Variants in TRAPPC11 observed in about 807,000 individuals in gnomAD.
TRAPPC11 encodes the protein trafficking protein particle complex subunit 11, also known as foie gras homolog.
In TRAPPC11, 104 loss-of-function variants were observed where a neutral mutation model predicts 151.2. That is an observed-to-expected ratio of 0.69 (90% confidence interval 0.59 to 0.81). The LOEUF (loss-of-function observed/expected upper bound fraction) is 0.81, where lower values mean the gene tolerates loss of function less well. TRAPPC11 is among the 30% of genes least tolerant of loss of function. TRAPPC11 has a pLI of 0.00. For missense variants in TRAPPC11, 1,230 were observed against 1,349.6 expected, an observed-to-expected ratio of 0.91 and a Z score of 1.39; for synonymous variants, 456 against 472.3, an observed-to-expected ratio of 0.97 and a Z score of 0.45.
chr4:183,712,272 C>T (rs569268425), intron 29 of TRAPPC11, among the ~76,000 whole-genome samples: 1 of 152,270 alleles, frequency 6.6e-6, no homozygotes, highest in East Asian at 1.9e-4. Flanking sequence ...GGGAGATGGC[C>T]TGGCAGTAGC....
chr4:183,667,046 C>A lies in TRAPPC11; in HGVS notation c.375-14C>A. On this transcript the variant is annotated splice_polypyrimidine_tract_variant and intron_variant, in intron 3 of 29. Coordinates refer to ENST00000334690, the MANE Select transcript of TRAPPC11 (RefSeq NM_021942.6). ...GTTAAAATAATTAATTTTATTCTTGCTTTTTCATTGCAGGCAAAGTTTACA... is the reference window on the plus strand; with the variant it reads ...GTTAAAATAATTAATTTTATTCTTGATTTTTCATTGCAGGCAAAGTTTACA... 1 of 1,584,938 alleles carries A rather than the reference C, an allele frequency of 6.3e-7. No individual in the cohort carries two copies. Among genetic ancestry groups the A allele is most frequent in the Non-Finnish European group, 8.6e-7 (1 of 1,160,634 alleles).
chr4:183,660,800 G>A (rs1339515356), intron 1 of TRAPPC11, among the ~76,000 whole-genome samples: 12 of 152,210 alleles, frequency 7.9e-5, no homozygotes, highest in Non-Finnish European at 5.9e-5. Flanking sequence ...TGAAATCTCC[G>A]CCTCCCGGGT....
At chr4:183,684,384 T>C in intron 14 of TRAPPC11, 25 bp downstream of exon 14, 1 of 1,594,388 alleles carries the variant, frequency 6.3e-7, no homozygotes, top group Non-Finnish European at 8.6e-7. Flanking sequence ...CTATTTACTT[T>C]TACAAGTATT....
rs1735888538 is a variant in TRAPPC11, at chr4:183,684,933, G to A, written c.1567+92G>A. The A allele has an allele frequency of 3.0e-6, 4 of 1,343,736 alleles. No homozygotes were observed. The East Asian group carries it at 9.8e-5, about 33-fold the overall frequency. 83.2% of individuals were successfully genotyped at this position (1,343,736 alleles called of 1,614,324 possible). A position where few individuals can be genotyped will look rare whatever the true frequency, so the allele number is the denominator to read the frequency against. ...AAATTTAAAGAATAATTTAGTCCCA[G>A]ATAATTAGTATACTTTACTATGTGC... On this transcript the variant is annotated intron_variant, in intron 15 of 29. Transcript: ENST00000334690.
At position 183,669,990 on chromosome 4, in the gene TRAPPC11, T is replaced by C. The variant is rs144853475; in HGVS notation, c.560+1873T>C. Reference sequence around the variant, plus strand: ...CCCTGGGTCCATAGCCTCCAGCATGTGGATACAAGATGGGGAGTGCATAAG... The same window carrying C: ...CCCTGGGTCCATAGCCTCCAGCATGCGGATACAAGATGGGGAGTGCATAAG... On this transcript the variant is annotated intron_variant, in intron 5 of 29. Transcript: ENST00000334690. Among the ~76,000 whole-genome samples the C allele has an allele frequency of 5.3e-5, 8 of 152,360 alleles. 1 individual carries two copies. The East Asian group carries it at 1.5e-3, about 29-fold the overall frequency.
chr4:183,693,846 T>C, intron 21 of TRAPPC11, 71 bp from the exon 22 acceptor site: 1 of 1,599,246 alleles, frequency 6.3e-7, no homozygotes, highest in East Asian at 2.2e-5. Context: ...CATAGTGCTC[T>C]TCACACAGTA....
rs550814691 is a variant in TRAPPC11 at position 183,712,888 on chromosome 4, G to A, written c.*244G>A. 154 of 449,596 alleles carry A rather than the reference G, an allele frequency of 3.4e-4. No homozygotes were observed. Among genetic ancestry groups the A allele is most frequent in the African/African-American group, 2.9e-3 (143 of 49,978 alleles). The allele number at this position is 449,596 out of a possible 1,614,324, so 27.9% of individuals were successfully genotyped here. On this transcript the variant is annotated 3_prime_UTR_variant, in exon 30 of 30. Transcript: ENST00000334690. The stretch of plus-strand genomic sequence containing the variant: ...GAAAGAATGTCAGACCATTGTTATT[G>A]TTGAAAGTCATTTGATGAATGGTAA...
rs2111064799 is a variant in TRAPPC11, at chr4:183,692,968, AGTGGAT to A, written c.2059_2064del (p.Val687_Asp688del). On this transcript the variant is annotated inframe_deletion, in exon 20 of 30. Coordinates refer to ENST00000334690, the MANE Select transcript of TRAPPC11 (RefSeq NM_021942.6). Reference sequence around the variant, plus strand: ...CTTTTTTTTCTTTTTAGATTACTTCAGTGGATCTTGCTCTGGGCAATGAGACGGGAA... The same window carrying A: ...CTTTTTTTTCTTTTTAGATTACTTCACTTGCTCTGGGCAATGAGACGGGAA... 4 of 1,604,106 alleles carry A rather than the reference AGTGGAT, an allele frequency of 2.5e-6. No homozygotes were observed. Among genetic ancestry groups the A allele is most frequent in the Non-Finnish European group, 3.4e-6 (4 of 1,175,228 alleles).
At chr4:183,677,039 AC>A (rs1251623344) in intron 7 of TRAPPC11, among the ~76,000 whole-genome samples, 1 of 152,204 alleles carries the variant, frequency 6.6e-6, no homozygotes, top group Non-Finnish European at 1.5e-5. Context: ...TGCTGGGATT[AC>A]AGGTGTGAGC....
intron 27 of TRAPPC11, among the ~76,000 whole-genome samples, chr4:183,706,252 G>A (rs527435587): frequency 1.3e-4 from 20 of 152,194 alleles, no homozygotes; most frequent in South Asian, 8.3e-4. Flanking sequence ...GGCTGGGCGC[G>A]GTGGCTCACG....
intron 18 of TRAPPC11, among the ~76,000 whole-genome samples, chr4:183,688,408 A>G (rs1197638765): frequency 6.6e-6 from 1 of 152,188 alleles, no homozygotes; most frequent in Non-Finnish European, 1.5e-5. Flanking sequence ...ACACCTCACT[A>G]GAACAGAGGG....
At chr4:183,675,893 T>A (rs1020214645) in intron 7 of TRAPPC11, among the ~76,000 whole-genome samples, 3 of 152,228 alleles carry the variant, frequency 2.0e-5, no homozygotes, top group African/African-American at 7.2e-5. Flanking sequence ...CCTTTGCTTT[T>A]ACGAAGCAGA....
rs764083534 is a variant in TRAPPC11 at position 183,677,502 on chromosome 4, A to G, written c.779A>G (p.His260Arg). 13 of 1,609,332 alleles carry G rather than the reference A, an allele frequency of 8.1e-6. No individual in the cohort carries two copies. In the Admixed American group the frequency reaches 1.3e-4, roughly 17 times the overall value. Residue 260 changes from histidine to arginine, a missense_variant, in exon 8 of 30, where the codon CAT becomes CGT. Coordinates refer to ENST00000334690, the MANE Select transcript of TRAPPC11 (RefSeq NM_021942.6). ...AYNLVHELRA[H>R]ETNILEIKTM... is the part of the protein sequence containing the mutation. ...AATCTTGTACACGAATTGAGAGCCC[A>G]TGAAACTAATATTCTGGAAATTAAG...
At chr4:183,708,353 A>C in intron 28 of TRAPPC11, 54 bp from the exon 29 acceptor site, 2 of 1,537,598 alleles carry the variant, frequency 1.3e-6, no homozygotes, top group Non-Finnish European at 1.8e-6. Flanking sequence ...CAACATATAG[A>C]TATTGCACAT....
In TRAPPC11 at chr4:183,700,559, G is replaced by A. The variant is rs118061701; in HGVS notation, c.2852-1138G>A. 1.4e-4 allele frequency among the ~76,000 whole-genome samples: 21 copies of A among 152,318 alleles called. 1 individual carries two copies. The East Asian group carries it at 3.7e-3, about 27-fold the overall frequency. On this transcript the variant is annotated intron_variant, in intron 25 of 29. Transcript: ENST00000334690. ...AGAGCTGAAAGGTGGAGGAGACTTGGTTTGAATGGGCGCTTATCTTGTCAT... is the reference window on the plus strand; with the variant it reads ...AGAGCTGAAAGGTGGAGGAGACTTGATTTGAATGGGCGCTTATCTTGTCAT...
At chr4:183,688,843 T>C (rs1477327467) in intron 18 of TRAPPC11, among the ~76,000 whole-genome samples, 1 of 152,168 alleles carries the variant, frequency 6.6e-6, no homozygotes, top group Non-Finnish European at 1.5e-5. Context: ...TCTCCCAGGC[T>C]CAAGTGATCC....
chr4:183,674,961 TTTAAA>T (rs1370308672), intron 6 of TRAPPC11, 149 bp downstream of exon 6: 8 of 607,076 alleles, frequency 1.3e-5, no homozygotes, highest in Non-Finnish European at 2.2e-5. Flanking sequence ...TTAATTTGTT[TTTAAA>T]TTAAACTCTT....
At chr4:183,664,325 T>C (rs1734731779) in intron 2 of TRAPPC11, among the ~76,000 whole-genome samples, 1 of 152,188 alleles carries the variant, frequency 6.6e-6, no homozygotes, top group Non-Finnish European at 1.5e-5. Flanking sequence ...TTTTTGTTTT[T>C]AGGAAAAAAC....
intron 23 of TRAPPC11, 56 bp downstream of exon 23, chr4:183,694,779 GTTAT>G: frequency 6.4e-7 from 1 of 1,554,398 alleles, no homozygotes; most frequent in Non-Finnish European, 8.7e-7. Context: ...CCCATTTTGT[GTTAT>G]TTTAGTTTAC....
Sources: allele counts gnomAD v4.1 joint callset (sites outside exome capture counted in the v4.1 genomes callset), GRCh38; gene constraint gnomAD v4.1.1; transcripts MANE v1.5; gene names NCBI Gene and HGNC (gene_info 2026-07-23, HGNC 2026-07-21).